The following REPS2 variants were observed in gnomAD, a reference collection of about 807,000 sequenced individuals.
REPS2 encodes ralBP1-associated Eps domain-containing protein 2.
In REPS2, 23 loss-of-function variants were observed where a neutral mutation model predicts 53.6. The observed-to-expected ratio is 0.43, with a 90% CI of 0.31 to 0.61. REPS2 has a LOEUF of 0.61. REPS2 is among the 20% of genes least tolerant of loss of function. The pLI, the probability that REPS2 is intolerant of heterozygous loss-of-function variation, is 0.11. For missense variants in REPS2, 446 were observed against 534.9 expected (o/e 0.83, Z 1.64); for synonymous variants, 238 against 218.6 (o/e 1.09, Z -0.78).
At chrX:17,098,566 AT>A (rs1446218053) in intron 13 of REPS2, among the ~76,000 whole-genome samples, 1 of 111,198 alleles carries the variant, frequency 9.0e-6, no homozygotes, top group African/African-American at 3.3e-5. Flanking sequence ...AAGACAGAGC[AT>A]TTTGGGTATC....
intron 5 of REPS2, among the ~76,000 whole-genome samples, chrX:17,045,985 G>C (rs1351567928): frequency 2.8e-5 from 3 of 108,742 alleles, no homozygotes; most frequent in Middle Eastern, 4.8e-3. Flanking sequence ...GGAGGAGATG[G>C]CCGGCCTTCT....
intron 13 of REPS2, among the ~76,000 whole-genome samples, chrX:17,101,531 C>G (rs867342808): frequency 2.0e-4 from 22 of 111,776 alleles, no homozygotes; most frequent in African/African-American, 6.2e-4. Context: ...TCTGATAAAC[C>G]ACAATAAATG....
rs1157042780 is a variant in REPS2 at position 16,951,500 on chromosome X, T to TACACACACAC, written c.273+4417_273+4426dup. ...CTGGGCAAGATGGCAAAACCCCATC[T>TACACACACAC]ACACACACACACACACACACACACA... On this transcript the variant is annotated intron_variant, in intron 1 of 17. Coordinates refer to ENST00000357277, the MANE Select transcript of REPS2 (RefSeq NM_004726.3). Among the ~76,000 whole-genome samples the TACACACACAC allele has an allele frequency of 1.7e-3, 101 of 60,112 alleles. 1 individual carries two copies. Among genetic ancestry groups the TACACACACAC allele is most frequent in the African/African-American group, 3.8e-3 (57 of 15,108 alleles). The allele number at this position is 60,112 out of a possible 115,157, so 52.2% of individuals were successfully genotyped here.
intron 13 of REPS2, among the ~76,000 whole-genome samples, chrX:17,080,368 C>T (rs918103392): frequency 4.6e-5 from 5 of 108,379 alleles, no homozygotes; most frequent in African/African-American, 1.7e-4. Flanking sequence ...TCTTTTTGTC[C>T]TTCTCCCCCA....
chrX:16,979,647 C>A (rs1197558025), intron 1 of REPS2, among the ~76,000 whole-genome samples: 1 of 111,896 alleles, frequency 8.9e-6, no homozygotes, highest in East Asian at 2.8e-4. Context: ...TTGTTTATTA[C>A]CATTAGCTTT....
intron 4 of REPS2, among the ~76,000 whole-genome samples, chrX:17,025,862 C>G (rs1002868229): frequency 1.8e-5 from 2 of 111,265 alleles, no homozygotes; most frequent in African/African-American, 6.5e-5. Context: ...TCTTGTGCCT[C>G]CTGGGGTTCA....
chrX:17,184,522 A>G, the REPS2 span, among the ~76,000 whole-genome samples: 74 of 107,995 alleles, frequency 6.9e-4, no homozygotes, highest in Non-Finnish European at 1.3e-3. Flanking sequence ...AGCATGATTT[A>G]TAGTCCTTTG....
chrX:16,962,276 TACACACAC>T (rs61520216), intron 1 of REPS2, among the ~76,000 whole-genome samples: 3,334 of 81,782 alleles, frequency 0.041, 104 homozygotes, highest in African/African-American at 0.089. Context: ...TATCGTGGGA[TACACACAC>T]ACACACACAC....
At chrX:17,048,424 G>A (rs1485132012) in intron 6 of REPS2, among the ~76,000 whole-genome samples, 1 of 112,374 alleles carries the variant, frequency 8.9e-6, no homozygotes, top group Non-Finnish European at 1.9e-5. Flanking sequence ...ACCTTACCCC[G>A]TGCTCAGGTG....
chrX:17,069,759 A>T (rs918047877), intron 10 of REPS2, among the ~76,000 whole-genome samples, 181 bp from the exon 11 acceptor site: 19 of 111,817 alleles, frequency 1.7e-4, no homozygotes, highest in Admixed American at 9.5e-4. Flanking sequence ...ATACTCCAGG[A>T]GGTCTTTATT....
In REPS2 at chrX:17,150,029, A is replaced by G. The variant is rs1319498461; in HGVS notation, c.*2548A>G. The G allele has an allele frequency of 8.9e-6, 1 of 112,373 alleles. No homozygotes were observed. The highest frequency in any genetic ancestry group is 1.9e-5 in the Non-Finnish European group (1 of 53,250). 9.3% of individuals were successfully genotyped at this position (112,373 alleles called of 1,213,427 possible). On this transcript the variant is annotated 3_prime_UTR_variant, in exon 18 of 18. Transcript: ENST00000357277. ...GACTCAACTGTAACCACAGTTTATTAGTTGCTTAGAAGTGGATTTTTAAAA... is the reference window on the plus strand; with the variant it reads ...GACTCAACTGTAACCACAGTTTATTGGTTGCTTAGAAGTGGATTTTTAAAA...
At chrX:17,196,190 C>T in the REPS2 span, among the ~76,000 whole-genome samples, 1 of 111,450 alleles carries the variant, frequency 9.0e-6, no homozygotes, top group African/African-American at 3.3e-5. Context: ...ATAGTCATTG[C>T]GCAGTTTTAA....
chrX:17,036,104 A>G (rs904884879), intron 5 of REPS2, among the ~76,000 whole-genome samples: 1 of 112,278 alleles, frequency 8.9e-6, no homozygotes, highest in Non-Finnish European at 1.9e-5. Flanking sequence ...TGGGAGACCA[A>G]TTCCTAGAAA....
In REPS2 at chrX:17,077,427, C is replaced by A. The variant is rs746795642; in HGVS notation, c.1516+20C>A. 1.7e-6 allele frequency: 2 copies of A among 1,165,890 alleles called. No individual in the cohort carries two copies. The highest frequency in any genetic ancestry group is 2.3e-6 in the Non-Finnish European group (2 of 872,670). The stretch of plus-strand genomic sequence containing the variant: ...TGCCAGGTGAAGTGCCCCTTGCCCC[C>A]TGAGCCCTTCCATTTCCTGTTGGAG... On this transcript the variant is annotated intron_variant, in intron 13 of 17. Coordinates refer to ENST00000357277, the MANE Select transcript of REPS2 (RefSeq NM_004726.3).
intron 14 of REPS2, among the ~76,000 whole-genome samples, chrX:17,130,911 A>G (rs2063283452): frequency 8.9e-6 from 1 of 112,093 alleles, no homozygotes; most frequent in South Asian, 3.7e-4. Flanking sequence ...AATTGCAATG[A>G]TCCATGCAAA....
chrX:16,994,372 C>CAT (rs55964545), intron 1 of REPS2, among the ~76,000 whole-genome samples: 48,221 of 107,750 alleles, frequency 0.45, 8,418 homozygotes, highest in African/African-American at 0.58. Context: ...CATATATATA[C>CAT]ATATATATAC....
chrX:17,102,758 T>C (rs1232139277), intron 13 of REPS2, among the ~76,000 whole-genome samples: 2 of 112,523 alleles, frequency 1.8e-5, no homozygotes, highest in Non-Finnish European at 3.8e-5. Context: ...TTGCAAAATC[T>C]TTTATGTTCT....
At chrX:17,105,631 A>G (rs2148065040) in intron 14 of REPS2, among the ~76,000 whole-genome samples, 1 of 111,600 alleles carries the variant, frequency 9.0e-6, no homozygotes, top group Admixed American at 9.5e-5. Flanking sequence ...CCATCACAAT[A>G]TAAACAGTGA....
chrX:17,006,283 C>T lies in REPS2; in HGVS notation c.336C>T (p.Ala112=), dbSNP rs1569120622. 2.5e-6 allele frequency: 3 copies of T among 1,208,780 alleles called. No individual in the cohort carries two copies. The highest frequency in any genetic ancestry group is 3.4e-6 in the Non-Finnish European group (3 of 892,882). ...TTGGTCCAACACAGTTTTACATTGCCCTGAAATTAATTGCTGCAGCACAAT... is the reference window on the plus strand; with the variant it reads ...TTGGTCCAACACAGTTTTACATTGCTCTGAAATTAATTGCTGCAGCACAAT... The part of the protein sequence containing the change: ...GYFGPTQFYI[A]LKLIAAAQSG... The change falls in exon 2 of 18, where the codon GCC becomes GCT. Residue 112 remains alanine (A), a synonymous_variant. Transcript: ENST00000357277.
Sources: gnomAD v4.1 joint callset for allele counts (sites outside exome capture counted in the v4.1 genomes callset) on GRCh38, gnomAD v4.1.1 for gene constraint, MANE v1.5 for transcripts, NCBI Gene and HGNC (gene_info 2026-07-23, HGNC 2026-07-21) for gene names.